CYP7A1: variants seen among roughly 807,000 people sequenced by gnomAD.
The protein encoded by CYP7A1 is cytochrome P450 7A1.
CYP7A1 carries 28 observed loss-of-function variants against 43.8 expected under a neutral mutation model. That is an observed-to-expected ratio of 0.64 (90% CI 0.47 to 0.88). The LOEUF is 0.88. Ranked by LOEUF, CYP7A1 falls within the 40% of genes least tolerant of loss-of-function variation. The pLI, the probability that CYP7A1 is intolerant of heterozygous loss-of-function variation, is 0.00. For missense variants in CYP7A1, 637 were observed against 611.9 expected, an observed-to-expected ratio of 1.04 and a Z score of -0.43; for synonymous variants, 227 against 222.5, an observed-to-expected ratio of 1.02 and a Z score of -0.18.
In CYP7A1 at chr8:58,491,646, CA is replaced by C; in HGVS notation, c.1343del (p.Leu448CysfsTer11). The C allele has an allele frequency of 6.2e-7, 1 of 1,614,156 alleles. No homozygotes were observed. Among genetic ancestry groups the C allele is most frequent in the South Asian group, 1.1e-5 (1 of 91,084 alleles). On this transcript the variant is annotated frameshift_variant, in exon 6 of 6. Transcript: ENST00000301645. LOFTEE classifies it high-confidence loss of function. Reference protein sequence around the residue: ...GSGATICPGRLFAIHEIKQFL... With the variant: ...GSGATICPGRXFAIHEIKQFL... ...ATTGCTTGATTTCGTGGATAGCGAA[CA>C]ATCTTCCAGGACATATTGTAGCTCC...
chr8:58,493,253 T>C (rs914538564), intron 4 of CYP7A1, among the ~76,000 whole-genome samples: 4 of 152,250 alleles, frequency 2.6e-5, no homozygotes, highest in Admixed American at 2.0e-4. Flanking sequence ...TGAGATTTAA[T>C]ATACTGAGGA....
chr8:58,496,487 A>G (rs1809443689), intron 3 of CYP7A1, 117 bp downstream of exon 3: 1 of 745,102 alleles, frequency 1.3e-6, no homozygotes, highest in Middle Eastern at 3.8e-4. Context: ...CATTAGTGCT[A>G]CGTTCTTGAT....
At chr8:58,492,244 A>G in intron 5 of CYP7A1, 109 bp downstream of exon 5, 1 of 1,050,444 alleles carries the variant, frequency 9.5e-7, no homozygotes, top group Middle Eastern at 2.0e-4. Flanking sequence ...TAAGCAGACA[A>G]TTCCTGTGAC....
intron 4 of CYP7A1, among the ~76,000 whole-genome samples, chr8:58,494,151 T>C (rs1809401996): frequency 6.6e-6 from 1 of 152,206 alleles, no homozygotes; most frequent in Non-Finnish European, 1.5e-5. Flanking sequence ...TTCCCTCCTT[T>C]ATTTTATGAA....
intron 4 of CYP7A1, among the ~76,000 whole-genome samples, chr8:58,492,892 G>A (rs1027984893): frequency 2.0e-5 from 3 of 152,150 alleles, no homozygotes; most frequent in African/African-American, 4.8e-5. Context: ...AACCTCTCGA[G>A]TAGCTGCGAC....
chr8:58,494,444 G>C (rs1188449314), intron 4 of CYP7A1, 62 bp downstream of exon 4: 1 of 1,538,044 alleles, frequency 6.5e-7, no homozygotes, highest in Non-Finnish European at 9.0e-7. Context: ...AATTTATGTT[G>C]GTCATTATTG....
chr8:58,497,463 CTAAT>C (rs1809463786), intron 2 of CYP7A1, among the ~76,000 whole-genome samples: 2 of 152,284 alleles, frequency 1.3e-5, no homozygotes, highest in Admixed American at 6.5e-5. Flanking sequence ...TGCACATAAA[CTAAT>C]TGATAATGTT....
rs760194463 is a variant in CYP7A1 at position 58,497,165 on chromosome 8, G to A, written c.347C>T (p.Pro116Leu). Residue 116 changes from proline (P) to leucine (L), a missense_variant, in exon 3 of 6, where the codon CCG (proline) becomes CTG (leucine). By Grantham distance (98) the Pro-to-Leu change is moderately conservative (BLOSUM62 -3). Coordinates refer to ENST00000301645, the MANE Select transcript of CYP7A1 (RefSeq NM_000780.4). ...AKAFGHRSID[P>L]MDGNTTENIN... is the part of the protein sequence containing the mutation. ...GTTTTCAGTGGTATTTCCATCCATC[G>A]GGTCAATGCTTCTGTGCCCAAATGC... 1.6e-5 allele frequency: 25 copies of A among 1,599,334 alleles called. No homozygotes were observed. The highest frequency in any genetic ancestry group is 2.2e-5 in the East Asian group (1 of 44,872).
Position 58,494,986 on chromosome 8 carries a change from C to T in CYP7A1, c.909-350G>A, listed in dbSNP as rs186898778. Among the ~76,000 whole-genome samples, 598 of 151,620 alleles carry T rather than the reference C, an allele frequency of 3.9e-3. 4 individuals are homozygous for T. The highest frequency in any genetic ancestry group is 0.014 in the African/African-American group (568 of 41,398). On this transcript the variant is annotated intron_variant, in intron 3 of 5. Coordinates refer to ENST00000301645, the MANE Select transcript of CYP7A1 (RefSeq NM_000780.4). ...CTGTCTCTACTAAAAATACAAAAAT[C>T]AGCCAGGCATGGCAGTGGGATCCTG...
chr8:58,499,484 A>G (rs980355144), intron 1 of CYP7A1, among the ~76,000 whole-genome samples: 9 of 152,348 alleles, frequency 5.9e-5, no homozygotes, highest in East Asian at 1.9e-4. Flanking sequence ...AACTTTCCCA[A>G]TTCACCACAG....
At chr8:58,497,303 A>T in intron 2 of CYP7A1, 113 bp from the exon 3 acceptor site, 1 of 931,948 alleles carries the variant, frequency 1.1e-6, no homozygotes. Flanking sequence ...AACACGGGAA[A>T]TTGGCTTTCC....
At chr8:58,495,444 G>C (rs1809425300) in intron 3 of CYP7A1, among the ~76,000 whole-genome samples, 1 of 152,056 alleles carries the variant, frequency 6.6e-6, no homozygotes, top group Non-Finnish European at 1.5e-5. Context: ...TAGCCAGGAT[G>C]GTCTCGATCT....
intron 3 of CYP7A1, among the ~76,000 whole-genome samples, chr8:58,496,133 CCTAA>C (rs1182253472): frequency 3.3e-5 from 5 of 152,126 alleles, no homozygotes; most frequent in East Asian, 1.9e-4. Flanking sequence ...AACAGCAATT[CCTAA>C]CTGAGTGAAA....
At chr8:58,495,215 T>TTCTATTTATTCATTTATTTATTTA in intron 3 of CYP7A1, among the ~76,000 whole-genome samples, 1 of 143,454 alleles carries the variant, frequency 7.0e-6, no homozygotes, top group African/African-American at 2.6e-5. Flanking sequence ...TTTATTTTAT[T>TTCTATTTATTCATTTATTTATTTA]TTTATTTATT....
intron 4 of CYP7A1, 74 bp from the exon 5 acceptor site, chr8:58,492,602 T>G (rs770522231): frequency 8.0e-7 from 1 of 1,249,322 alleles, no homozygotes; most frequent in Non-Finnish European, 1.1e-6. Context: ...ACAAACCAAG[T>G]GTTTGAAGGT....
At chr8:58,499,920 A>G (rs1809504782) in intron 1 of CYP7A1, 99 bp downstream of exon 1, 1 of 821,100 alleles carries the variant, frequency 1.2e-6, no homozygotes, top group Non-Finnish European at 2.1e-6. Flanking sequence ...TAATGCTAAT[A>G]TGTGTAAGTA....
chr8:58,491,536 C>T lies in CYP7A1; in HGVS notation c.1454G>A (p.Gly485Asp), dbSNP rs1809350135. ...KCPPLDQSRA[G>D]LGILPPLNDI... ...ATTCAATGGCGGCAAAATGCCCAAG[C>T]CTGCCCGGGACTGGTCCAAAGGTGG... The change falls in exon 6 of 6, where the codon GGC (glycine) becomes GAC (aspartate). Residue 485 changes from glycine to aspartate, a missense_variant. By Grantham distance (94) the Gly-to-Asp change is moderately conservative. Coordinates refer to ENST00000301645, the MANE Select transcript of CYP7A1 (RefSeq NM_000780.4). 6.2e-7 allele frequency: 1 copy of T among 1,614,028 alleles called. No individual in the cohort carries two copies. Among genetic ancestry groups the T allele is most frequent in the South Asian group, 1.1e-5 (1 of 91,084 alleles).
intron 2 of CYP7A1, among the ~76,000 whole-genome samples, chr8:58,497,681 T>G (rs951532192): frequency 6.6e-6 from 1 of 152,188 alleles, no homozygotes; most frequent in African/African-American, 2.4e-5. Flanking sequence ...TGTGTCCAGC[T>G]GTAGATGTAT....
intron 5 of CYP7A1, 48 bp from the exon 6 acceptor site, chr8:58,491,822 A>T: frequency 6.7e-7 from 1 of 1,486,550 alleles, no homozygotes; most frequent in Non-Finnish European, 9.4e-7. Flanking sequence ...GTTTTAAAGA[A>T]ATTTATCTCT....
Sources: gnomAD v4.1 joint callset for allele counts (sites outside exome capture counted in the v4.1 genomes callset) on GRCh38, gnomAD v4.1.1 for gene constraint, MANE v1.5 for transcripts, NCBI Gene and HGNC (gene_info 2026-07-23, HGNC 2026-07-21) for gene names.